The following DIS3L variants were observed in gnomAD, a reference collection of about 807,000 sequenced individuals.
DIS3L encodes DIS3 like exosome 3'-5' exoribonuclease, also known as DIS3-like exonuclease 1.
DIS3L carries 100 observed loss-of-function variants against 120.3 expected under a neutral mutation model. The ratio of observed to expected loss-of-function variants is 0.83; its 90% CI spans 0.71 to 0.98. The LOEUF is 0.98. DIS3L is among the 50% of genes least tolerant of loss of function. The pLI, the probability that DIS3L is intolerant of heterozygous loss-of-function variation, is 0.00. For missense variants in DIS3L, 1,196 were observed against 1,314.2 expected, an observed-to-expected ratio of 0.91 and a Z score of 1.39; for synonymous variants, 426 against 470.6, an observed-to-expected ratio of 0.91 and a Z score of 1.23.
At chr15:66,332,283 C>T (rs1396267665) in intron 15 of DIS3L, among the ~76,000 whole-genome samples, 2 of 151,902 alleles carry the variant, frequency 1.3e-5, no homozygotes, top group African/African-American at 4.8e-5. Context: ...ATGGTGAAAC[C>T]CCGTCTCTAC....
At chr15:66,320,877 A>G (rs1005733591) in intron 9 of DIS3L, 145 bp downstream of exon 9, 3 of 1,078,394 alleles carry the variant, frequency 2.8e-6, no homozygotes, top group East Asian at 5.1e-5. Flanking sequence ...AATCCTCTTT[A>G]TTCTATATTT....
At position 66,318,637 on chromosome 15, in the gene DIS3L, C is replaced by T. The variant is rs1297079009; in HGVS notation, c.1164+19C>T. On this transcript the variant is annotated intron_variant, in intron 8 of 16. Transcript: ENST00000319212. ...CCTCCAGGTAGTTGGCATTCTACCTCTACTATGGGATCTCTACGCTTTCTC... is the reference window on the plus strand; with the variant it reads ...CCTCCAGGTAGTTGGCATTCTACCTTTACTATGGGATCTCTACGCTTTCTC... 6.2e-7 allele frequency: 1 copy of T among 1,611,422 alleles called. No individual in the cohort carries two copies. Among genetic ancestry groups the T allele is most frequent in the Non-Finnish European group, 8.5e-7 (1 of 1,178,346 alleles).
rs188803671 is a variant in DIS3L at position 66,317,713 on chromosome 15, G to A, written c.995-736G>A. Among the ~76,000 whole-genome samples, 245 of 152,030 alleles carry A rather than the reference G, an allele frequency of 1.6e-3. 1 individual carries two copies. Among genetic ancestry groups the A allele is most frequent in the Middle Eastern group, 6.8e-3 (2 of 294 alleles). Reference sequence around the variant, plus strand: ...CCATCTTTGCTGGGTATGATGGCACGTGCCTATAGACCCAGCTACCCAGGA... The same window carrying A: ...CCATCTTTGCTGGGTATGATGGCACATGCCTATAGACCCAGCTACCCAGGA... On this transcript the variant is annotated intron_variant, in intron 7 of 16. Transcript: ENST00000319212.
At chr15:66,296,960 C>T (rs1379205279) in intron 2 of DIS3L, among the ~76,000 whole-genome samples, 4 of 152,116 alleles carry the variant, frequency 2.6e-5, no homozygotes, top group Non-Finnish European at 5.9e-5. Context: ...CAGAAGTAAA[C>T]GTGGAGTGGA....
chr15:66,297,980 T>C (rs2092606450), intron 2 of DIS3L, among the ~76,000 whole-genome samples: 1 of 152,008 alleles, frequency 6.6e-6, no homozygotes, highest in African/African-American at 2.4e-5. Context: ...AAGAGTTTGA[T>C]ACCAGCCTGG....
rs1215091376 is a variant in DIS3L at position 66,294,998 on chromosome 15, C to G, written c.150C>G (p.Leu50=). 6.2e-7 allele frequency: 1 copy of G among 1,612,132 alleles called. No homozygotes were observed. Among genetic ancestry groups the G allele is most frequent in the South Asian group, 1.1e-5 (1 of 90,894 alleles). ...QPAACSHDGK[L]LSSDVTHYVI... The stretch of plus-strand genomic sequence containing the variant: ...TGAATTATGTTTCAGATGGGAAACT[C>G]TTGTCTAGTGATGTGACTCATTACG... The change falls in exon 2 of 17, where the codon CTC becomes CTG. Residue 50 remains leucine (L), a synonymous_variant. Coordinates refer to ENST00000319212, the MANE Select transcript of DIS3L (RefSeq NM_001143688.3).
intron 2 of DIS3L, 161 bp from the exon 3 acceptor site, chr15:66,306,663 T>G (rs765800005): frequency 3.1e-6 from 3 of 974,244 alleles, no homozygotes; most frequent in Middle Eastern, 2.7e-4. Flanking sequence ...AGCAGCCCGA[T>G]AGGACTGAGC....
Position 66,328,898 on chromosome 15 carries a change from G to A in DIS3L, c.2202-72G>A, listed in dbSNP as rs16949813. 20,106 of 1,522,230 alleles carry A rather than the reference G, an allele frequency of 0.013. 2,249 individuals are homozygous for A. The African/African-American group carries it at 0.24, about 18-fold the overall frequency. The allele number at this position is 1,522,230 out of a possible 1,614,324, so 94.3% of individuals were successfully genotyped here. A position where few individuals can be genotyped will look rare whatever the true frequency, so the allele number is the denominator to read the frequency against. ...GAAGGTATTCAGACGGATGAGTGAA[G>A]GGTTCCCCTCAAAGTGTTGTCTTGT... On this transcript the variant is annotated intron_variant, in intron 12 of 16. Coordinates refer to ENST00000319212, the MANE Select transcript of DIS3L (RefSeq NM_001143688.3).
chr15:66,311,088 C>T (rs2092755791), intron 4 of DIS3L, among the ~76,000 whole-genome samples: 1 of 145,718 alleles, frequency 6.9e-6, no homozygotes, highest in African/African-American at 2.5e-5. Flanking sequence ...AGAATGTACA[C>T]ATACTGCTGG....
intron 5 of DIS3L, among the ~76,000 whole-genome samples, chr15:66,312,274 A>G (rs2092770787): frequency 6.6e-6 from 1 of 151,764 alleles, no homozygotes; most frequent in African/African-American, 2.4e-5. Flanking sequence ...TTTTTACTGC[A>G]TCCTGTCACA....
chr15:66,302,190 C>T (rs1382597897), intron 2 of DIS3L, among the ~76,000 whole-genome samples: 2 of 152,026 alleles, frequency 1.3e-5, no homozygotes, highest in African/African-American at 4.8e-5. Context: ...TAGTGAGACC[C>T]TGTCTCAATA....
rs1009600891 is a variant in DIS3L, at chr15:66,333,386, GTCACTCAGTGC to G, written c.*77_*87del. On this transcript the variant is annotated 3_prime_UTR_variant, in exon 17 of 17. Coordinates refer to ENST00000319212, the MANE Select transcript of DIS3L (RefSeq NM_001143688.3). The stretch of plus-strand genomic sequence containing the variant: ...TTTTCAAACTTAACATTTAATGTGT[GTCACTCAGTGC>G]TCTAGTCGATCAGGACTGGGTAGCT... The G allele has an allele frequency of 3.4e-5, 49 of 1,436,246 alleles. No individual in the cohort carries two copies. The highest frequency in any genetic ancestry group is 4.3e-5 in the Non-Finnish European group (46 of 1,060,060). The allele number at this position is 1,436,246 out of a possible 1,614,324, so 89.0% of individuals were successfully genotyped here.
At chr15:66,332,155 A>T in intron 15 of DIS3L, 135 bp downstream of exon 15, 1 of 939,854 alleles carries the variant, frequency 1.1e-6, no homozygotes. Context: ...TGTATAATTC[A>T]GTATATAAAT....
In DIS3L at chr15:66,333,535, C is replaced by A. The variant is rs1181011204; in HGVS notation, c.*223C>A. ...CACGAGGTCAGGAGATTGAGACCAT[C>A]CTGGCTAACACGGTGAAACCCAGTC... On this transcript the variant is annotated 3_prime_UTR_variant, in exon 17 of 17. Coordinates refer to ENST00000319212, the MANE Select transcript of DIS3L (RefSeq NM_001143688.3). The A allele has an allele frequency of 2.6e-6, 1 of 386,782 alleles. No individual in the cohort carries two copies. The highest frequency in any genetic ancestry group is 2.1e-5 in the African/African-American group (1 of 48,028). The allele number at this position is 386,782 out of a possible 1,614,324, so 24.0% of individuals were successfully genotyped here.
At position 66,322,889 on chromosome 15, in the gene DIS3L, A is replaced by G; in HGVS notation, c.1529A>G (p.His510Arg). The G allele has an allele frequency of 6.2e-7, 1 of 1,614,156 alleles. No individual in the cohort carries two copies. Among genetic ancestry groups the G allele is most frequent in the Non-Finnish European group, 8.5e-7 (1 of 1,180,024 alleles). The change falls in exon 10 of 17, where the codon CAC (histidine) becomes CGC (arginine). Residue 510 changes from histidine (H) to arginine (R), a missense_variant. Transcript: ENST00000319212. ...ELGVHIADVT[H>R]FVAPNSYIDI... ...GGGGTCCACATCGCAGATGTAACAC[A>G]CTTTGTGGCACCAAATTCTTACATT...
chr15:66,311,116 C>T (rs1446312982), intron 4 of DIS3L, among the ~76,000 whole-genome samples: 1 of 150,336 alleles, frequency 6.7e-6, no homozygotes, highest in Non-Finnish European at 1.5e-5. Flanking sequence ...GTAATCCCAG[C>T]ACTGTGGGTG....
rs200010364 is a variant in DIS3L at position 66,293,611 on chromosome 15, G to A, written c.15G>A (p.Arg5=). Reference sequence around the variant, plus strand: ...GACACGCCGCCATGCTGCAGAAGCGGGAGAAGGTGCTGCTGCTGAGGACCT... The same window carrying A: ...GACACGCCGCCATGCTGCAGAAGCGAGAGAAGGTGCTGCTGCTGAGGACCT... MLQK[R]EKVLLLRTFQ... is the part of the protein sequence containing the mutation. Residue 5 remains arginine, a synonymous_variant, in exon 1 of 17, where the codon CGG becomes CGA. Coordinates refer to ENST00000319212, the MANE Select transcript of DIS3L (RefSeq NM_001143688.3). The A allele has an allele frequency of 1.0e-5, 15 of 1,444,528 alleles. No homozygotes were observed. In the East Asian group the frequency reaches 3.5e-4, roughly 34 times the overall value. The allele number at this position is 1,444,528 out of a possible 1,614,324, so 89.5% of individuals were successfully genotyped here.
In DIS3L at chr15:66,320,725, A is replaced by C. The variant is rs537915675; in HGVS notation, c.1319A>C (p.Glu440Ala). Reference protein sequence around the residue: ...ENSISVIPFSEAQMCEMPVNT... With the variant: ...ENSISVIPFSAAQMCEMPVNT... ...AGTATTTCAGTTATTCCTTTCTCAG[A>C]AGCTCAGGTCAGATTTTCCAGAAGG... is the stretch of plus-strand genomic sequence containing the variant. Residue 440 changes from glutamate (E) to alanine (A), a missense_variant, in exon 9 of 17, where the codon GAA becomes GCA. Glu to Ala is a moderately radical substitution (Grantham distance 107, BLOSUM62 -1). Transcript: ENST00000319212. 5.6e-6 allele frequency: 9 copies of C among 1,613,008 alleles called. No homozygotes were observed. The African/African-American group carries it at 9.3e-5, about 17-fold the overall frequency.
intron 4 of DIS3L, among the ~76,000 whole-genome samples, chr15:66,311,517 G>A (rs2092761020): frequency 6.6e-6 from 1 of 152,192 alleles, no homozygotes; most frequent in African/African-American, 2.4e-5. Context: ...CCACGGTGGA[G>A]TGGCTTCCTG....
Sources: gnomAD v4.1 joint callset for allele counts (sites outside exome capture counted in the v4.1 genomes callset) on GRCh38, gnomAD v4.1.1 for gene constraint, MANE v1.5 for transcripts, NCBI Gene and HGNC (gene_info 2026-07-23, HGNC 2026-07-21) for gene names.